HMCN2: variants seen among roughly 807,000 people sequenced by gnomAD.
The protein encoded by HMCN2 is hemicentin-2.
Under a neutral mutation model 377.5 loss-of-function variants are expected in HMCN2, and 325 were observed. The observed-to-expected ratio is 0.86, with a 90% CI of 0.79 to 0.94. The LOEUF is 0.94. HMCN2 is among the 40% of genes least tolerant of loss of function. HMCN2 has a pLI of 0.00. For missense variants in HMCN2, 4,543 were observed against 4,725.3 expected (o/e 0.96, Z 1.13); for synonymous variants, 2,007 against 2,046.8 (o/e 0.98, Z 0.53).
chr9:130,277,958 C>CCACCACCACCATCATCAT (rs1834849611), intron 1 of HMCN2, among the ~76,000 whole-genome samples: 1 of 109,336 alleles, frequency 9.1e-6, no homozygotes, highest in Non-Finnish European at 1.8e-5. Context: ...ATCATCACCA[C>CCACCACCACCATCATCAT]CACCACCACC....
rs1320143883 is a variant in HMCN2 at position 130,388,456 on chromosome 9, G to T, written c.9439G>T (p.Ala3147Ser). 1.0e-6 allele frequency: 1 copy of T among 987,894 alleles called. No homozygotes were observed. The highest frequency in any genetic ancestry group is 1.1e-4 in the East Asian group (1 of 8,808). 61.2% of individuals were successfully genotyped at this position (987,894 alleles called of 1,614,324 possible). A position where few individuals can be genotyped will look rare whatever the true frequency, so the allele number is the denominator to read the frequency against. Reference protein sequence around the residue: ...NPKTETVSQVAGSPLVLTCDV... With the variant: ...NPKTETVSQVSGSPLVLTCDV... ...CAAGACAGAGACAGTGAGCCAGGTGGCTGGGAGCCCCCTGGTCCTGACCTG... is the reference window on the plus strand; with the variant it reads ...CAAGACAGAGACAGTGAGCCAGGTGTCTGGGAGCCCCCTGGTCCTGACCTG... Residue 3147 changes from alanine to serine, a missense_variant, in exon 62 of 98, where the codon GCT (alanine) becomes TCT (serine). Ala to Ser is a moderately conservative substitution (Grantham distance 99). Around this residue, in one of 5 missense-constraint regions of HMCN2, gnomAD observed 736 missense variants for 773.2 expected, o/e 0.95. Transcript: ENST00000683500.
At chr9:130,299,822 C>A (rs782699389) in intron 8 of HMCN2, among the ~76,000 whole-genome samples, 48 of 147,434 alleles carry the variant, frequency 3.3e-4, no homozygotes, top group Non-Finnish European at 6.9e-4. Flanking sequence ...CATGCATTGA[C>A]TCACCTATTC....
intron 15 of HMCN2, among the ~76,000 whole-genome samples, chr9:130,314,249 G>C (rs1217607030): frequency 6.6e-6 from 1 of 152,188 alleles, no homozygotes; most frequent in Non-Finnish European, 1.5e-5. Flanking sequence ...GGAGAAATGG[G>C]CTGGGCTCTG....
At chr9:130,298,846 C>G (rs989974534) in intron 7 of HMCN2, among the ~76,000 whole-genome samples, 179 bp from the exon 8 acceptor site, 5 of 152,150 alleles carry the variant, frequency 3.3e-5, no homozygotes, top group Non-Finnish European at 5.9e-5. Context: ...AGCAAGGTCC[C>G]TATCTACCTA....
chr9:130,429,864 G>A, intron 94 of HMCN2, 179 bp downstream of exon 94: 1 of 1,219,304 alleles, frequency 8.2e-7, no homozygotes, highest in Non-Finnish European at 1.1e-6. Context: ...TAACCAAACA[G>A]CAGCCGACAC....
intron 90 of HMCN2, among the ~76,000 whole-genome samples, chr9:130,426,506 G>A (rs777395280): frequency 6.6e-6 from 1 of 152,168 alleles, no homozygotes; most frequent in Non-Finnish European, 1.5e-5. Flanking sequence ...TGGTCCTCTC[G>A]GAGCTTCAGT....
rs1564888260 is a variant in HMCN2 at position 130,429,469 on chromosome 9, G to A, written c.14198-88G>A. 2.1e-5 allele frequency: 31 copies of A among 1,492,696 alleles called. No homozygotes were observed. The South Asian group carries it at 3.8e-4, about 18-fold the overall frequency. The allele number at this position is 1,492,696 out of a possible 1,614,324, so 92.5% of individuals were successfully genotyped here. On this transcript the variant is annotated intron_variant, in intron 93 of 97. Coordinates refer to ENST00000683500, the MANE Select transcript of HMCN2 (RefSeq NM_001291815.2). ...AACTGGAGAAGGGGACAGGGAGGAG[G>A]CCCAGATATGGAGGGGGATGGTCCG...
intron 8 of HMCN2, among the ~76,000 whole-genome samples, chr9:130,301,673 G>A (rs1554934468): frequency 6.6e-6 from 1 of 152,228 alleles, no homozygotes; most frequent in East Asian, 1.9e-4. Flanking sequence ...AGGGAGCCTG[G>A]AGCATGATGT....
intron 85 of HMCN2, among the ~76,000 whole-genome samples, chr9:130,416,974 G>T (rs561400991): frequency 6.6e-6 from 1 of 151,708 alleles, no homozygotes; most frequent in Non-Finnish European, 1.5e-5. Flanking sequence ...GTGCAGTGGC[G>T]CAATCTCGGC....
In HMCN2 at chr9:130,356,260, G is replaced by A; in HGVS notation, c.5425+3G>A. On this transcript the variant is annotated splice_donor_region_variant and intron_variant, in intron 34 of 97. Coordinates refer to ENST00000683500, the MANE Select transcript of HMCN2 (RefSeq NM_001291815.2). ...CGAGGTGGAGGTGTCTGTGCATGGTGAGTGGGCGCCTGGGGTTCTGGAGCT... is the reference window on the plus strand; with the variant it reads ...CGAGGTGGAGGTGTCTGTGCATGGTAAGTGGGCGCCTGGGGTTCTGGAGCT... The A allele has an allele frequency of 7.7e-7, 1 of 1,292,342 alleles. No homozygotes were observed. The highest frequency in any genetic ancestry group is 1.0e-6 in the Non-Finnish European group (1 of 984,908). The allele number at this position is 1,292,342 out of a possible 1,614,324, so 80.1% of individuals were successfully genotyped here.
In HMCN2 at chr9:130,395,998, C is replaced by T. The variant is rs1379381183; in HGVS notation, c.10986C>T (p.Gly3662=). The T allele has an allele frequency of 3.3e-5, 43 of 1,287,476 alleles. No homozygotes were observed. The highest frequency in any genetic ancestry group is 4.6e-5 in the Admixed American group (2 of 43,538). 79.8% of individuals were successfully genotyped at this position (1,287,476 alleles called of 1,614,324 possible). Residue 3662 remains glycine, a synonymous_variant, in exon 72 of 98, where the codon GGC becomes GGT. Transcript: ENST00000683500. The part of the protein sequence containing the change: ...QLQALSTADS[G]DYSCTARNAA... ...AGGCCCTGAGCACGGCTGACAGCGG[C>T]GACTACAGCTGCACAGCCCGCAACG...
chr9:130,385,742 C>T lies in HMCN2; in HGVS notation c.9289C>T (p.Leu3097=). The change falls in exon 60 of 98, where the codon CTG becomes TTG. Residue 3097 remains leucine, a synonymous_variant. Transcript: ENST00000683500. The stretch of plus-strand genomic sequence containing the variant: ...CCAGGCTCTGCGGGGTGGGCAGAGG[C>T]TGGAGATCCAGGAAGCCCAGGTGAG... The part of the protein sequence containing the change: ...RTQALRGGQR[L]EIQEAQVSDK... 6.1e-6 allele frequency: 8 copies of T among 1,304,026 alleles called. No individual in the cohort carries two copies. Among genetic ancestry groups the T allele is most frequent in the Non-Finnish European group, 8.1e-6 (8 of 988,894 alleles). 80.8% of individuals were successfully genotyped at this position (1,304,026 alleles called of 1,614,324 possible). A position where few individuals can be genotyped will look rare whatever the true frequency, so the allele number is the denominator to read the frequency against.
At chr9:130,324,734 C>T (rs1275663461) in intron 19 of HMCN2, among the ~76,000 whole-genome samples, 1 of 151,986 alleles carries the variant, frequency 6.6e-6, no homozygotes, top group Non-Finnish European at 1.5e-5. Context: ...AAGTAATTCT[C>T]CTGCCTCAGC....
chr9:130,331,317 C>T (rs921090284), intron 22 of HMCN2, among the ~76,000 whole-genome samples: 6 of 152,168 alleles, frequency 3.9e-5, no homozygotes, highest in Non-Finnish European at 7.3e-5. Flanking sequence ...TCTCCTGGGT[C>T]GGTTCCTTGC....
At position 130,379,240 on chromosome 9, in the gene HMCN2, C is replaced by G; in HGVS notation, c.8213-9C>G. 1.0e-6 allele frequency: 1 copy of G among 982,320 alleles called. No individual in the cohort carries two copies. Among genetic ancestry groups the G allele is most frequent in the Non-Finnish European group, 1.2e-6 (1 of 826,756 alleles). 60.9% of individuals were successfully genotyped at this position (982,320 alleles called of 1,614,324 possible). On this transcript the variant is annotated splice_polypyrimidine_tract_variant and intron_variant, in intron 53 of 97. Transcript: ENST00000683500. ...TGTGCTTCCTAAGGGCTTTGTCTCCCCCACCCAGTGCCCCCCATGTTCCAG... is the reference window on the plus strand; with the variant it reads ...TGTGCTTCCTAAGGGCTTTGTCTCCGCCACCCAGTGCCCCCCATGTTCCAG...
At chr9:130,370,120 C>T (rs1319333448) in intron 45 of HMCN2, among the ~76,000 whole-genome samples, 1 of 152,172 alleles carries the variant, frequency 6.6e-6, no homozygotes, top group African/African-American at 2.4e-5. Context: ...CTACTCTGTT[C>T]TGGGCACTGG....
chr9:130,364,949 C>CT, intron 41 of HMCN2, 60 bp downstream of exon 41: 4 of 938,544 alleles, frequency 4.3e-6, no homozygotes, highest in Non-Finnish European at 5.1e-6. Flanking sequence ...CAGGGTGGGG[C>CT]CTGCAGGTGC....
chr9:130,399,104 T>TTA (rs1842745186), intron 75 of HMCN2, among the ~76,000 whole-genome samples: 1 of 151,236 alleles, frequency 6.6e-6, no homozygotes, highest in East Asian at 2.0e-4. Context: ...AATTTAAAAA[T>TTA]TAGTAGAGTA....
At chr9:130,348,889 C>T (rs779621569) in intron 27 of HMCN2, 95 bp from the exon 28 acceptor site, 9 of 1,226,930 alleles carry the variant, frequency 7.3e-6, no homozygotes, top group Non-Finnish European at 9.6e-6. Context: ...GTTCTGGCCA[C>T]TGGCCACCTC....
Sources: allele counts gnomAD v4.1 joint callset (sites outside exome capture counted in the v4.1 genomes callset), GRCh38; gene constraint gnomAD v4.1.1; regional missense constraint gnomAD v4.1.1; transcripts MANE v1.5; gene names NCBI Gene and HGNC (gene_info 2026-07-23, HGNC 2026-07-21).